Variants in LTBP2 observed in about 807,000 individuals in gnomAD.
The protein encoded by LTBP2 is latent transforming growth factor beta binding protein 2, also known as latent-transforming growth factor beta-binding protein 2.
LTBP2 carries 103 observed loss-of-function variants against 210.6 expected under a neutral mutation model. The ratio of observed to expected loss-of-function variants is 0.49; its 90% CI spans 0.42 to 0.58. The LOEUF (loss-of-function observed/expected upper bound fraction) is 0.58, where lower values mean the gene tolerates loss of function less well. Ranked by LOEUF, LTBP2 falls within the 20% of genes least tolerant of loss-of-function variation. The pLI is 0.00. For missense variants in LTBP2, 2,313 were observed against 2,494.5 expected (o/e 0.93, Z 1.55); for synonymous variants, 1,007 against 1,015.0 (o/e 0.99, Z 0.15).
intron 34 of LTBP2, chr14:74,502,066 C>G (rs1277028016): frequency 3.6e-6 from 1 of 279,394 alleles, no homozygotes. Context: ...CCTAAGCACC[C>G]CTCCACCCCA....
At chr14:74,523,106 C>T (rs932897855) in intron 15 of LTBP2, among the ~76,000 whole-genome samples, 188 bp from the exon 16 acceptor site, 5 of 152,108 alleles carry the variant, frequency 3.3e-5, no homozygotes, top group African/African-American at 7.2e-5. Context: ...CTGCCCAGCA[C>T]CCCGAGCCCT....
chr14:74,506,685 A>C lies in LTBP2; in HGVS notation c.4033+13T>G, dbSNP rs372610241. The stretch of plus-strand genomic sequence containing the variant: ...CCCTGGCCCAGACCTTGGGTAGCCC[A>C]CAGGCTCCTCACCCACACAGTCCCA... On this transcript the variant is annotated intron_variant, in intron 27 of 35. Coordinates refer to ENST00000261978, the MANE Select transcript of LTBP2 (RefSeq NM_000428.3). The C allele has an allele frequency of 7.4e-6, 12 of 1,612,654 alleles. No homozygotes were observed. In the Middle Eastern group the frequency reaches 4.9e-4, roughly 66 times the overall value.
chr14:74,565,117 C>T (rs2087885371), intron 3 of LTBP2, among the ~76,000 whole-genome samples: 1 of 152,178 alleles, frequency 6.6e-6, no homozygotes, highest in Non-Finnish European at 1.5e-5. Context: ...CACTTTTTCA[C>T]TCATTCAAAG....
intron 3 of LTBP2, among the ~76,000 whole-genome samples, chr14:74,564,416 A>G (rs2087875959): frequency 8.3e-6 from 1 of 121,034 alleles, no homozygotes; most frequent in Non-Finnish European, 1.6e-5. Context: ...ATATTTTGAG[A>G]CAGAGTCTCA....
At chr14:74,585,269 G>A (rs1270395340) in intron 3 of LTBP2, among the ~76,000 whole-genome samples, 4 of 152,174 alleles carry the variant, frequency 2.6e-5, no homozygotes, top group South Asian at 2.1e-4. Flanking sequence ...CGAGGAAACC[G>A]AAGGGTCTTC....
At chr14:74,582,511 A>G (rs1168797845) in intron 3 of LTBP2, among the ~76,000 whole-genome samples, 1 of 151,952 alleles carries the variant, frequency 6.6e-6, no homozygotes, top group Non-Finnish European at 1.5e-5. Flanking sequence ...CTGCCCATTG[A>G]CAGCTATCAT....
chr14:74,567,740 G>A (rs2087923032), intron 3 of LTBP2, among the ~76,000 whole-genome samples: 1 of 152,074 alleles, frequency 6.6e-6, no homozygotes, highest in South Asian at 2.1e-4. Context: ...TGGGCACACA[G>A]CTGCTGCCCT....
chr14:74,567,695 C>T (rs1441898018), intron 3 of LTBP2, among the ~76,000 whole-genome samples: 1 of 152,146 alleles, frequency 6.6e-6, no homozygotes, highest in Admixed American at 6.5e-5. Context: ...CTGGGCCTTA[C>T]CCTCTTCATA....
chr14:74,535,895 T>C (rs756114725), intron 9 of LTBP2, 31 bp downstream of exon 9: 7 of 1,603,028 alleles, frequency 4.4e-6, no homozygotes, highest in African/African-American at 1.3e-5. Context: ...CCCGGCATCC[T>C]TGAGCCCAGC....
chr14:74,508,794 C>T (rs762195833), intron 23 of LTBP2, 36 bp downstream of exon 23: 13 of 1,613,414 alleles, frequency 8.1e-6, no homozygotes, highest in Admixed American at 3.3e-5. Flanking sequence ...CACACTCATG[C>T]CCCCCACCCC....
chr14:74,537,112 G>C (rs2087431322), intron 8 of LTBP2, among the ~76,000 whole-genome samples: 1 of 150,750 alleles, frequency 6.6e-6, no homozygotes, highest in African/African-American at 2.4e-5. Context: ...TTTTTATGCT[G>C]ATACACATCC....
intron 8 of LTBP2, among the ~76,000 whole-genome samples, chr14:74,540,844 TATA>T: frequency 6.4e-5 from 2 of 31,058 alleles, no homozygotes; most frequent in Non-Finnish European, 1.1e-4. Flanking sequence ...TATATTTATA[TATA>T]TTATATATAT....
intron 3 of LTBP2, among the ~76,000 whole-genome samples, chr14:74,561,342 T>G (rs538978183): frequency 6.6e-6 from 1 of 152,208 alleles, no homozygotes; most frequent in African/African-American, 2.4e-5. Flanking sequence ...ATGCATAGAA[T>G]AGTTGTAATT....
chr14:74,514,651 G>C (rs546189167), intron 18 of LTBP2, among the ~76,000 whole-genome samples: 2 of 152,314 alleles, frequency 1.3e-5, no homozygotes, highest in South Asian at 4.1e-4. Context: ...AGTCTGCAGG[G>C]AAGTCTATCC....
chr14:74,561,671 T>C (rs1434330409), intron 3 of LTBP2, among the ~76,000 whole-genome samples: 1 of 152,224 alleles, frequency 6.6e-6, no homozygotes, highest in Non-Finnish European at 1.5e-5. Context: ...GTATTTGTTT[T>C]GTAATCAAAA....
chr14:74,546,122 C>A (rs1328763083), intron 8 of LTBP2, among the ~76,000 whole-genome samples: 1 of 152,202 alleles, frequency 6.6e-6, no homozygotes, highest in Non-Finnish European at 1.5e-5. Context: ...CTCACCCTAT[C>A]ACTCCCACCA....
At chr14:74,535,008 C>T (rs1424420428) in intron 9 of LTBP2, among the ~76,000 whole-genome samples, 1 of 152,042 alleles carries the variant, frequency 6.6e-6, no homozygotes, top group African/African-American at 2.4e-5. Flanking sequence ...TGAACAGCCC[C>T]GATGTACCCT....
In LTBP2 at chr14:74,552,219, G is replaced by C; in HGVS notation, c.1367C>G (p.Ser456Cys). The C allele has an allele frequency of 1.2e-6, 2 of 1,612,062 alleles. No homozygotes were observed. Among genetic ancestry groups the C allele is most frequent in the Non-Finnish European group, 1.7e-6 (2 of 1,179,648 alleles). ...RALLEAPLKQ[S>C]TFTLPLSNQL... ...GTTGGAGAGCGGCAGTGTGAAAGTG[G>C]ACTGCTTCAGTGGGGCTTCCAGCAA... Residue 456 changes from serine to cysteine, a missense_variant, in exon 6 of 36, where the codon TCC becomes TGC. Ser to Cys is a moderately radical substitution (Grantham distance 112, BLOSUM62 -1). Coordinates refer to ENST00000261978, the MANE Select transcript of LTBP2 (RefSeq NM_000428.3).
chr14:74,550,216 G>A lies in LTBP2; in HGVS notation c.1687-251C>T, dbSNP rs2289388. Among the ~76,000 whole-genome samples, 124,854 of 152,194 alleles carry A rather than the reference G, an allele frequency of 0.82. 53,821 individuals are homozygous for A. The highest frequency in any genetic ancestry group is 0.97 in the Non-Finnish European group (66,188 of 68,028). On this transcript the variant is annotated intron_variant, in intron 7 of 35. Transcript: ENST00000261978. The stretch of plus-strand genomic sequence containing the variant: ...CCCAGACACAAGATCTGCCCTGTGC[G>A]GGGCTGCAAACCACCACCCTCCATG...
Sources: allele counts gnomAD v4.1 joint callset (sites outside exome capture counted in the v4.1 genomes callset), GRCh38; gene constraint gnomAD v4.1.1; transcripts MANE v1.5; gene names NCBI Gene and HGNC (gene_info 2026-07-23, HGNC 2026-07-21).